Variants in OSBPL8 observed in about 807,000 individuals in gnomAD.
OSBPL8 encodes oxysterol binding protein like 8, also known as oxysterol-binding protein-related protein 8.
Under a neutral mutation model 125.5 loss-of-function variants are expected in OSBPL8, and 59 were observed. The observed-to-expected ratio is 0.47, with a 90% confidence interval of 0.38 to 0.58. The LOEUF (loss-of-function observed/expected upper bound fraction) is 0.58. Among genes scored for constraint, OSBPL8 ranks in the 20% least tolerant of loss-of-function variants. OSBPL8 has a pLI of 0.00. For synonymous variants in OSBPL8, 330 were observed against 338.9 expected (o/e 0.97, Z 0.29); for missense variants, 758 against 1,047.8 (o/e 0.72, Z 3.82).
intron 1 of OSBPL8, among the ~76,000 whole-genome samples, chr12:76,525,926 T>C (rs1281466236): frequency 2.6e-5 from 4 of 152,232 alleles, no homozygotes; most frequent in Non-Finnish European, 5.9e-5. Flanking sequence ...ACCATTGTGC[T>C]AGGTGCTTAT....
chr12:76,529,707 C>A (rs1259904612), intron 1 of OSBPL8, among the ~76,000 whole-genome samples: 2 of 152,036 alleles, frequency 1.3e-5, no homozygotes, highest in Non-Finnish European at 2.9e-5. Context: ...ATGGCTAAAG[C>A]ATAGTAAGCA....
chr12:76,552,561 A>T (rs1950976928), intron 1 of OSBPL8, among the ~76,000 whole-genome samples: 1 of 151,976 alleles, frequency 6.6e-6, no homozygotes, highest in South Asian at 2.1e-4. Flanking sequence ...ATAGCAGCCT[A>T]ATGACAGGCT....
chr12:76,439,794 T>C (rs1231805172), intron 4 of OSBPL8, among the ~76,000 whole-genome samples: 3 of 152,184 alleles, frequency 2.0e-5, no homozygotes, highest in South Asian at 2.1e-4. Flanking sequence ...CAGTTGTTTA[T>C]AATATCTTTT....
chr12:76,421,255 T>C (rs572627601), intron 4 of OSBPL8, among the ~76,000 whole-genome samples: 1 of 152,146 alleles, frequency 6.6e-6, no homozygotes, highest in Admixed American at 6.5e-5. Flanking sequence ...AAAATCTCAG[T>C]ATTTTGTATT....
chr12:76,474,967 G>A (rs1009608117), intron 2 of OSBPL8, among the ~76,000 whole-genome samples: 12 of 152,182 alleles, frequency 7.9e-5, no homozygotes, highest in Non-Finnish European at 1.5e-4. Flanking sequence ...CTACTAAGCT[G>A]AGGTACGGAT....
chr12:76,354,294 A>G lies in OSBPL8; in HGVS notation c.*1595T>C, dbSNP rs556375397. ...ATATGGAATACAGCATTATTTTGCC[A>G]AGAAAACATGGGAAATGGTTCTTCA... On this transcript the variant is annotated 3_prime_UTR_variant, in exon 24 of 24. Coordinates refer to ENST00000261183, the MANE Select transcript of OSBPL8 (RefSeq NM_020841.5). 2.6e-5 allele frequency: 4 copies of G among 152,098 alleles called. No homozygotes were observed. In the East Asian group the frequency reaches 7.7e-4, roughly 29 times the overall value. The allele number at this position is 152,098 out of a possible 1,614,324, so 9.4% of individuals were successfully genotyped here. A position where few individuals can be genotyped will look rare whatever the true frequency, so the allele number is the denominator to read the frequency against.
intron 2 of OSBPL8, among the ~76,000 whole-genome samples, chr12:76,464,818 T>G (rs1442587588): frequency 6.6e-6 from 1 of 152,176 alleles, no homozygotes; most frequent in African/African-American, 2.4e-5. Context: ...GTTGGCACCT[T>G]TTCACCCAAT....
intron 21 of OSBPL8, among the ~76,000 whole-genome samples, chr12:76,359,736 A>C (rs1952125185): frequency 6.6e-6 from 1 of 152,216 alleles, no homozygotes; most frequent in Non-Finnish European, 1.5e-5. Flanking sequence ...GAAGATGCAA[A>C]AGTGGAAACC....
At chr12:76,400,687 C>T (rs765056295) in intron 6 of OSBPL8, among the ~76,000 whole-genome samples, 5 of 150,350 alleles carry the variant, frequency 3.3e-5, no homozygotes, top group Non-Finnish European at 5.9e-5. Context: ...AATAAAAATA[C>T]TGTATTTTTT....
At chr12:76,554,028 T>C (rs1054785612) in intron 1 of OSBPL8, among the ~76,000 whole-genome samples, 1 of 148,674 alleles carries the variant, frequency 6.7e-6, no homozygotes, top group African/African-American at 2.5e-5. Context: ...ATTCTGTGAA[T>C]CAGCCTTATT....
intron 22 of OSBPL8, 49 bp from the exon 23 acceptor site, chr12:76,356,777 T>C (rs761191589): frequency 7.9e-7 from 1 of 1,260,794 alleles, no homozygotes; most frequent in Non-Finnish European, 1.1e-6. Context: ...TAATCTACAG[T>C]TCAATTTAAT....
intron 4 of OSBPL8, chr12:76,422,865 C>T (rs1242256350): frequency 4.6e-6 from 1 of 216,784 alleles, no homozygotes; most frequent in Admixed American, 4.9e-5. Flanking sequence ...TTAAACCATG[C>T]TGCTGATTTT....
At chr12:76,474,033 T>C (rs1340530924) in intron 2 of OSBPL8, among the ~76,000 whole-genome samples, 1 of 152,192 alleles carries the variant, frequency 6.6e-6, no homozygotes, top group African/African-American at 2.4e-5. Context: ...ATTCCCCTAA[T>C]GCAGCCAACA....
intron 5 of OSBPL8, among the ~76,000 whole-genome samples, chr12:76,409,863 A>C (rs1954437609): frequency 1.3e-5 from 2 of 152,190 alleles, no homozygotes; most frequent in South Asian, 4.1e-4. Context: ...CTTTAGAAAC[A>C]GTTATCTTAC....
At chr12:76,500,776 A>G (rs1879820255) in intron 1 of OSBPL8, among the ~76,000 whole-genome samples, 4 of 151,868 alleles carry the variant, frequency 2.6e-5, no homozygotes, top group Admixed American at 2.0e-4. Flanking sequence ...GAATTTCTTA[A>G]AAGTATAGAT....
intron 5 of OSBPL8, among the ~76,000 whole-genome samples, chr12:76,404,877 T>C (rs1279825925): frequency 3.3e-5 from 5 of 152,152 alleles, no homozygotes; most frequent in Non-Finnish European, 1.5e-5. Flanking sequence ...GCAGGGTCAG[T>C]GCCCCTAACT....
intron 1 of OSBPL8, among the ~76,000 whole-genome samples, chr12:76,528,455 T>C (rs1950240280): frequency 6.6e-6 from 1 of 152,174 alleles, no homozygotes; most frequent in Admixed American, 6.5e-5. Context: ...ATTTTTTCTA[T>C]GTGCTTTTAG....
chr12:76,418,963 T>G (rs1353185471), intron 4 of OSBPL8, among the ~76,000 whole-genome samples: 1 of 151,932 alleles, frequency 6.6e-6, no homozygotes, highest in Non-Finnish European at 1.5e-5. Context: ...AGGCTGGGCA[T>G]GATGGCTCAT....
chr12:76,452,131 G>A (rs991254440), intron 3 of OSBPL8, among the ~76,000 whole-genome samples: 21 of 151,690 alleles, frequency 1.4e-4, no homozygotes, highest in African/African-American at 4.8e-4. Flanking sequence ...AAAAAAAGAC[G>A]GTTTAGTCTC....
Sources: gnomAD v4.1 joint callset for allele counts (sites outside exome capture counted in the v4.1 genomes callset) on GRCh38, gnomAD v4.1.1 for gene constraint, MANE v1.5 for transcripts, NCBI Gene and HGNC (gene_info 2026-07-23, HGNC 2026-07-21) for gene names.